SORCS2: variants seen among roughly 807,000 people sequenced by gnomAD.
The protein encoded by SORCS2 is VPS10 domain-containing receptor SorCS2.
In SORCS2, 100 loss-of-function variants were observed where a neutral mutation model predicts 141.6. The observed-to-expected ratio is 0.71, with a 90% CI of 0.60 to 0.83. The LOEUF (loss-of-function observed/expected upper bound fraction) is 0.83. Ranked by LOEUF, SORCS2 falls within the 40% of genes least tolerant of loss-of-function variation. SORCS2 has a pLI of 0.00. For missense variants in SORCS2, 1,646 were observed against 1,560.2 expected (o/e 1.05, Z -0.93); for synonymous variants, 789 against 676.9 (o/e 1.17, Z -2.57).
chr4:7,403,034 C>G (rs1005967511), intron 2 of SORCS2, among the ~76,000 whole-genome samples: 6 of 152,106 alleles, frequency 3.9e-5, no homozygotes, highest in Middle Eastern at 3.2e-3. Context: ...TCATTCTTTC[C>G]CAACACCTTC....
At chr4:7,214,116 C>G (rs981731150) in intron 1 of SORCS2, among the ~76,000 whole-genome samples, 1 of 152,128 alleles carries the variant, frequency 6.6e-6, no homozygotes, top group East Asian at 1.9e-4. Context: ...GGAAGCCAGC[C>G]TTTGCTTGCA....
chr4:7,594,143 A>G (rs149013172), intron 3 of SORCS2, among the ~76,000 whole-genome samples: 91 of 152,288 alleles, frequency 6.0e-4, no homozygotes, highest in Middle Eastern at 3.4e-3. Flanking sequence ...TGAAGGGTGG[A>G]CTAGGCTGTC....
At chr4:7,637,709 A>G (rs1199053663) in intron 3 of SORCS2, among the ~76,000 whole-genome samples, 1 of 150,652 alleles carries the variant, frequency 6.6e-6, no homozygotes, top group Non-Finnish European at 1.5e-5. Flanking sequence ...GAATGAATGA[A>G]TGAGTGAATG....
chr4:7,682,247 G>T (rs1411629808), intron 9 of SORCS2, among the ~76,000 whole-genome samples: 3 of 152,188 alleles, frequency 2.0e-5, no homozygotes, highest in Non-Finnish European at 4.4e-5. Flanking sequence ...GGACCCTCCT[G>T]TCTTCATTCC....
At chr4:7,578,356 C>G (rs1305621116) in intron 3 of SORCS2, among the ~76,000 whole-genome samples, 3 of 152,124 alleles carry the variant, frequency 2.0e-5, no homozygotes, top group Non-Finnish European at 4.4e-5. Context: ...TATGGCAACA[C>G]AAAATGGACT....
At chr4:7,228,698 G>A (rs112541922) in intron 1 of SORCS2, among the ~76,000 whole-genome samples, 3 of 152,184 alleles carry the variant, frequency 2.0e-5, no homozygotes, top group Non-Finnish European at 4.4e-5. Context: ...TTCAGGACCC[G>A]CAGCTTCTCT....
chr4:7,628,323 C>T (rs1002887698), intron 3 of SORCS2, among the ~76,000 whole-genome samples: 2 of 152,080 alleles, frequency 1.3e-5, no homozygotes, highest in Non-Finnish European at 1.5e-5. Flanking sequence ...GAGATCCAGA[C>T]CATCCTGTGA....
intron 1 of SORCS2, among the ~76,000 whole-genome samples, chr4:7,321,794 G>A (rs1215731597): frequency 1.3e-5 from 2 of 152,194 alleles, no homozygotes; most frequent in Non-Finnish European, 2.9e-5. Context: ...AGGTGGGAAT[G>A]TGCTTTGTGG....
intron 2 of SORCS2, among the ~76,000 whole-genome samples, chr4:7,531,329 C>T (rs1711624553): frequency 5.3e-5 from 8 of 152,190 alleles, no homozygotes; most frequent in Admixed American, 5.2e-4. Flanking sequence ...TGTGTGAGTC[C>T]TCAGTGTTCC....
At chr4:7,601,337 A>G (rs1299316573) in intron 3 of SORCS2, among the ~76,000 whole-genome samples, 1 of 151,616 alleles carries the variant, frequency 6.6e-6, no homozygotes, top group Non-Finnish European at 1.5e-5. Flanking sequence ...TTATCAAGCA[A>G]TATCTTTATT....
intron 2 of SORCS2, among the ~76,000 whole-genome samples, chr4:7,510,438 G>C (rs920367286): frequency 2.6e-5 from 4 of 152,242 alleles, no homozygotes; most frequent in Admixed American, 1.3e-4. Context: ...ACACCAGGTT[G>C]GCCAGGACAG....
At chr4:7,529,028 T>C (rs1733867140) in intron 2 of SORCS2, among the ~76,000 whole-genome samples, 1 of 152,208 alleles carries the variant, frequency 6.6e-6, no homozygotes, top group African/African-American at 2.4e-5. Context: ...CATACAGGAC[T>C]CAGGGCCCAC....
chr4:7,543,968 C>T (rs1262361014), intron 3 of SORCS2, among the ~76,000 whole-genome samples: 3 of 147,434 alleles, frequency 2.0e-5, no homozygotes, highest in African/African-American at 7.6e-5. Context: ...ATCCATCCAT[C>T]CATCCACCCA....
intron 3 of SORCS2, among the ~76,000 whole-genome samples, chr4:7,591,729 A>G (rs569381653): frequency 2.4e-4 from 36 of 152,232 alleles, no homozygotes; most frequent in African/African-American, 8.2e-4. Flanking sequence ...AGAGCCCGGG[A>G]GAGCTTTCTA....
chr4:7,704,775 C>T (rs1317397210), intron 14 of SORCS2, among the ~76,000 whole-genome samples: 1 of 152,226 alleles, frequency 6.6e-6, no homozygotes, highest in African/African-American at 2.4e-5. Flanking sequence ...ACAGTGGGGA[C>T]ATGCGGCGTT....
intron 18 of SORCS2, among the ~76,000 whole-genome samples, chr4:7,719,037 T>C (rs1202984567): frequency 2.0e-5 from 3 of 152,246 alleles, no homozygotes; most frequent in African/African-American, 7.2e-5. Flanking sequence ...GTTCGATGCA[T>C]CCGTGTCGCA....
At chr4:7,206,117 G>A (rs1308927246) in intron 1 of SORCS2, among the ~76,000 whole-genome samples, 3 of 152,148 alleles carry the variant, frequency 2.0e-5, no homozygotes, top group African/African-American at 7.2e-5. Context: ...TCGGCTGGAG[G>A]GATGAGATGG....
chr4:7,400,173 C>T (rs1476569345), intron 2 of SORCS2, among the ~76,000 whole-genome samples: 1 of 151,938 alleles, frequency 6.6e-6, no homozygotes, highest in African/African-American at 2.4e-5. Context: ...TCCCCAGTCT[C>T]AGCTCCTCCC....
At chr4:7,211,779 G>T (rs1728073693) in intron 1 of SORCS2, among the ~76,000 whole-genome samples, 2 of 152,158 alleles carry the variant, frequency 1.3e-5, no homozygotes, top group South Asian at 4.1e-4. Flanking sequence ...GTGAGAGGAG[G>T]GGTTGGGGGC....
Sources: allele counts gnomAD v4.1 joint callset (sites outside exome capture counted in the v4.1 genomes callset), GRCh38; gene constraint gnomAD v4.1.1; transcripts MANE v1.5; gene names NCBI Gene and HGNC (gene_info 2026-07-23, HGNC 2026-07-21).